The following SERP2 variants were observed in gnomAD, a reference collection of about 807,000 sequenced individuals.
SERP2 encodes stress associated endoplasmic reticulum protein family member 2, also known as stress-associated endoplasmic reticulum protein 2.
Under a neutral mutation model 9.1 loss-of-function variants are expected in SERP2, and 6 were observed. The observed-to-expected ratio is 0.66, with a 90% CI of 0.36 to 1.30. SERP2 has a LOEUF of 1.30. Among genes scored for constraint, SERP2 ranks in the 50% most tolerant of loss-of-function variants. The probability of loss-of-function intolerance (pLI) is 0.03; values close to 1 mark genes in which losing one functional copy is unlikely to be tolerated. For missense variants in SERP2, 58 were observed against 81.9 expected, an observed-to-expected ratio of 0.71 and a Z score of 1.13; for synonymous variants, 37 against 27.3, an observed-to-expected ratio of 1.35 and a Z score of -1.10.
Position 44,397,424 on chromosome 13 carries a change from CTCCCCCACTTGT to C in SERP2, c.*117_*128del, listed in dbSNP as rs1873183119. ...AGGCCACACGGAATAGAAAAAAACG[CTCCCCCACTTGT>C]TCCCTGATCACTTCATCGTGGATGT... On this transcript the variant is annotated 3_prime_UTR_variant, in exon 3 of 3. Transcript: ENST00000379179. 2 of 812,468 alleles carry C rather than the reference CTCCCCCACTTGT, an allele frequency of 2.5e-6. No individual in the cohort carries two copies. The highest frequency in any genetic ancestry group is 2.9e-5 in the South Asian group (2 of 69,152). The allele number at this position is 812,468 out of a possible 1,614,324, so 50.3% of individuals were successfully genotyped here. A position where few individuals can be genotyped will look rare whatever the true frequency, so the allele number is the denominator to read the frequency against.
intron 2 of SERP2, chr13:44,390,351 T>C: frequency 2.3e-6 from 1 of 437,786 alleles, no homozygotes; most frequent in Non-Finnish European, 4.5e-6. Flanking sequence ...TTCGCCATAT[T>C]TGCAGGTCAA....
intron 2 of SERP2, among the ~76,000 whole-genome samples, chr13:44,395,429 C>A (rs966827905): frequency 2.6e-5 from 4 of 151,858 alleles, no homozygotes; most frequent in Non-Finnish European, 5.9e-5. Flanking sequence ...ACGGTGAAAT[C>A]CCGTCTCTAC....
chr13:44,374,227 G>A, intron 1 of SERP2, 118 bp downstream of exon 1: 3 of 677,438 alleles, frequency 4.4e-6, no homozygotes, highest in Middle Eastern at 9.2e-4. Context: ...CTCCCGGCCC[G>A]CCCCTTCTGC....
chr13:44,397,568 G>A lies in SERP2; in HGVS notation c.*256G>A. ...GGATTAGTAGCCACGCGGGTCGTCC[G>A]CAGCAGTGCTGTTTTTTTGGTTTTT... On this transcript the variant is annotated 3_prime_UTR_variant, in exon 3 of 3. Coordinates refer to ENST00000379179, the MANE Select transcript of SERP2 (RefSeq NM_001010897.3). 1 of 545,696 alleles carries A rather than the reference G, an allele frequency of 1.8e-6. No homozygotes were observed. Among genetic ancestry groups the A allele is most frequent in the Non-Finnish European group, 3.3e-6 (1 of 303,840 alleles). The allele number at this position is 545,696 out of a possible 1,614,324, so 33.8% of individuals were successfully genotyped here. A position where few individuals can be genotyped will look rare whatever the true frequency, so the allele number is the denominator to read the frequency against.
chr13:44,394,147 A>AT (rs1270049065), intron 2 of SERP2, among the ~76,000 whole-genome samples: 5 of 151,694 alleles, frequency 3.3e-5, no homozygotes, highest in South Asian at 4.2e-4. Flanking sequence ...TTATTTATTT[A>AT]TTTTTTTTGA....
At chr13:44,393,618 C>T (rs1872909752) in intron 2 of SERP2, among the ~76,000 whole-genome samples, 1 of 152,160 alleles carries the variant, frequency 6.6e-6, no homozygotes. Flanking sequence ...CTCCTGCAGC[C>T]TGTTCTGCTG....
chr13:44,375,830 A>G (rs549858920), intron 1 of SERP2, among the ~76,000 whole-genome samples: 31 of 152,380 alleles, frequency 2.0e-4, no homozygotes, highest in African/African-American at 7.5e-4. Context: ...TTCTTCAAGA[A>G]AACTAGAAAA....
chr13:44,397,622 G>A lies in SERP2; in HGVS notation c.*310G>A, dbSNP rs1595060956. On this transcript the variant is annotated 3_prime_UTR_variant, in exon 3 of 3. Transcript: ENST00000379179. ...TTGGTTTCACTAATGCGTGCATGTG[G>A]CCCTCTGAACGATCACTGGTTTACT... 4.6e-6 allele frequency: 2 copies of A among 435,392 alleles called. No individual in the cohort carries two copies. The highest frequency in any genetic ancestry group is 8.4e-6 in the Non-Finnish European group (2 of 236,912). 27.0% of individuals were successfully genotyped at this position (435,392 alleles called of 1,614,324 possible).
chr13:44,397,487 C>T lies in SERP2; in HGVS notation c.*175C>T, dbSNP rs926977701. 5 of 613,784 alleles carry T rather than the reference C, an allele frequency of 8.1e-6. No individual in the cohort carries two copies. The Admixed American group carries it at 1.1e-4, about 14-fold the overall frequency. The allele number at this position is 613,784 out of a possible 1,614,324, so 38.0% of individuals were successfully genotyped here. A position where few individuals can be genotyped will look rare whatever the true frequency, so the allele number is the denominator to read the frequency against. The stretch of plus-strand genomic sequence containing the variant: ...CAGACCAAATTGCCTTCTCACAGGA[C>T]ATCTTGGTGCATCCGCGTTCTCAAG... On this transcript the variant is annotated 3_prime_UTR_variant, in exon 3 of 3. Transcript: ENST00000379179.
chr13:44,389,484 T>A (rs918807466), intron 2 of SERP2, among the ~76,000 whole-genome samples: 3 of 152,214 alleles, frequency 2.0e-5, no homozygotes, highest in Non-Finnish European at 4.4e-5. Flanking sequence ...CTTGTAATTA[T>A]GTTTATGGTC....
At chr13:44,382,331 G>A (rs1872031210) in intron 2 of SERP2, among the ~76,000 whole-genome samples, 2 of 151,144 alleles carry the variant, frequency 1.3e-5, no homozygotes, top group African/African-American at 2.4e-5. Context: ...CAGCTACTTA[G>A]GAGGCTGAGG....
chr13:44,391,076 G>C (rs536941022), intron 2 of SERP2: 9 of 152,198 alleles, frequency 5.9e-5, no homozygotes, highest in African/African-American at 1.9e-4. Context: ...GTCAATAAAA[G>C]TGGCTTTAGG....
At chr13:44,390,500 T>C (rs1406981057) in intron 2 of SERP2, 1 of 454,948 alleles carries the variant, frequency 2.2e-6, no homozygotes, top group Admixed American at 2.4e-5. Context: ...ACTGAGGCCA[T>C]TCATCTGCTC....
chr13:44,394,090 G>A (rs140166554), intron 2 of SERP2, among the ~76,000 whole-genome samples: 175 of 152,162 alleles, frequency 1.2e-3, no homozygotes, highest in Middle Eastern at 6.8e-3. Context: ...TATCAGTGTC[G>A]CTGTTCTGAG....
intron 2 of SERP2, among the ~76,000 whole-genome samples, chr13:44,390,112 C>T (rs1223398284): frequency 6.6e-6 from 1 of 152,124 alleles, no homozygotes; most frequent in Non-Finnish European, 1.5e-5. Flanking sequence ...AGTTTTCCAC[C>T]AATTTAGGCC....
At chr13:44,397,714 A>ATACC (rs1352421466), downstream of SERP2, 1 of 217,134 alleles carries the variant, frequency 4.6e-6, no homozygotes, top group African/African-American at 2.3e-5. Flanking sequence ...GTTCAACCTT[A>ATACC]TACCATGTGT....
intron 2 of SERP2, among the ~76,000 whole-genome samples, chr13:44,381,105 C>T (rs987239600): frequency 3.9e-5 from 6 of 152,154 alleles, no homozygotes; most frequent in East Asian, 1.9e-4. Flanking sequence ...CATTTGGCAG[C>T]GCATGCCTGT....
At chr13:44,384,437 G>A (rs1872201265) in intron 2 of SERP2, among the ~76,000 whole-genome samples, 1 of 152,082 alleles carries the variant, frequency 6.6e-6, no homozygotes, top group African/African-American at 2.4e-5. Context: ...GTAGGTGCTG[G>A]GATTGTTGAA....
In SERP2 at chr13:44,389,972, G is replaced by A. The variant is rs539398130; in HGVS notation, c.158-7300G>A. 4.3e-4 allele frequency among the ~76,000 whole-genome samples: 65 copies of A among 152,216 alleles called. No individual in the cohort carries two copies. In the South Asian group the frequency reaches 0.013, roughly 31 times the overall value. On this transcript the variant is annotated intron_variant, in intron 2 of 2. Transcript: ENST00000379179. ...AAACTGAGGCTCATAGAGGAATTTG[G>A]CCAATGTCCCATAGCTAAAAAGTGA...
Sources: gnomAD v4.1 joint callset for allele counts (sites outside exome capture counted in the v4.1 genomes callset) on GRCh38, gnomAD v4.1.1 for gene constraint, MANE v1.5 for transcripts, NCBI Gene and HGNC (gene_info 2026-07-23, HGNC 2026-07-21) for gene names.